Variants in PCDH15 observed in about 807,000 individuals in gnomAD.
PCDH15 encodes protocadherin related 15.
A neutral mutation model predicts 178.5 loss-of-function variants in PCDH15; 129 were observed. That is an observed-to-expected ratio of 0.72 (90% CI 0.63 to 0.84). The LOEUF is 0.84. PCDH15 is among the 40% of genes least tolerant of loss of function. PCDH15 has a pLI of 0.00. For synonymous variants in PCDH15, 800 were observed against 732.0 expected, an observed-to-expected ratio of 1.09 and a Z score of -1.50; for missense variants, 2,230 against 2,099.9, an observed-to-expected ratio of 1.06 and a Z score of -1.21.
intron 2 of PCDH15, among the ~76,000 whole-genome samples, chr10:55,423,494 T>C (rs537134563): frequency 1.3e-5 from 2 of 152,178 alleles, no homozygotes; most frequent in South Asian, 4.1e-4. Flanking sequence ...AACATACATG[T>C]GCACATATAT....
At chr10:54,812,553 G>T (rs951144532) in intron 3 of PCDH15, among the ~76,000 whole-genome samples, 1 of 151,998 alleles carries the variant, frequency 6.6e-6, no homozygotes, top group Non-Finnish European at 1.5e-5. Context: ...CCGCCTCCCC[G>T]GTTCAAGTGA....
chr10:54,859,213 T>C (rs1365801048), intron 3 of PCDH15, among the ~76,000 whole-genome samples: 1 of 152,126 alleles, frequency 6.6e-6, no homozygotes, highest in Non-Finnish European at 1.5e-5. Context: ...GACACTTTAA[T>C]AACTCTCATT....
chr10:54,483,735 G>C (rs1387256880), intron 3 of PCDH15, among the ~76,000 whole-genome samples: 1 of 151,460 alleles, frequency 6.6e-6, no homozygotes. Context: ...CTTTTGAAAG[G>C]TACCCTTTTA....
chr10:54,245,140 A>G (rs11004167), intron 8 of PCDH15, among the ~76,000 whole-genome samples: 7,108 of 152,220 alleles, frequency 0.047, 406 homozygotes, highest in African/African-American at 0.14. Context: ...GGAAGGCAAT[A>G]AAACAAGGAC....
rs537737224 is a variant in PCDH15 at position 54,828,448 on chromosome 10, C to T, written c.-29+69002G>A. Among the ~76,000 whole-genome samples, 3 of 151,518 alleles carry T rather than the reference C, an allele frequency of 2.0e-5. No individual in the cohort carries two copies. The East Asian group carries it at 5.9e-4, about 30-fold the overall frequency. The stretch of plus-strand genomic sequence containing the variant: ...ACTTGACTTCTGCTTAACTACTTCC[C>T]TAAATCCTGCTCATTGATGTTGTAC... On this transcript the variant is annotated intron_variant, in intron 3 of 5. Transcript: ENST00000458638.
intron 26 of PCDH15, among the ~76,000 whole-genome samples, chr10:53,892,547 A>G (rs2081645475): frequency 6.6e-6 from 1 of 152,180 alleles, no homozygotes; most frequent in African/African-American, 2.4e-5. Context: ...AAGAAGAGTA[A>G]AACATATGCA....
rs935059516 is a variant in PCDH15 at position 54,877,720 on chromosome 10, T to C, written c.-29+19730A>G. The stretch of plus-strand genomic sequence containing the variant: ...AGTATTGAAGAGGGCATCTGTATTT[T>C]GCCCAATAGCCAAAACAGTTTATAT... On this transcript the variant is annotated intron_variant, in intron 3 of 5. Transcript: ENST00000458638. Among the ~76,000 whole-genome samples the C allele has an allele frequency of 2.0e-5, 3 of 152,262 alleles. No homozygotes were observed. The East Asian group carries it at 5.8e-4, about 29-fold the overall frequency.
At chr10:53,970,455 A>G (rs375087437) in intron 21 of PCDH15, among the ~76,000 whole-genome samples, 1 of 152,096 alleles carries the variant, frequency 6.6e-6, no homozygotes, top group Non-Finnish European at 1.5e-5. Flanking sequence ...ACTGAAGGAG[A>G]CAGAGAAACA....
At chr10:53,906,437 A>G (rs1028596675) in intron 25 of PCDH15, among the ~76,000 whole-genome samples, 2 of 152,140 alleles carry the variant, frequency 1.3e-5, no homozygotes, top group South Asian at 2.1e-4. Flanking sequence ...AAAGATGGAA[A>G]TTGTATCTCC....
chr10:53,863,527 TTAGAGGGTTTAA>T (rs2079241082), intron 27 of PCDH15, among the ~76,000 whole-genome samples: 1 of 151,994 alleles, frequency 6.6e-6, no homozygotes, highest in African/African-American at 2.4e-5. Context: ...ACTCTTATGA[TTAGAGGGTTTAA>T]GAGAGGGTTT....
chr10:54,822,018 G>GT (rs1953050482), intron 3 of PCDH15, among the ~76,000 whole-genome samples: 1 of 151,990 alleles, frequency 6.6e-6, no homozygotes, highest in Non-Finnish European at 1.5e-5. Flanking sequence ...ACCTTTTTAT[G>GT]TTTTAATTTA....
chr10:54,089,475 A>C (rs1387452270), intron 16 of PCDH15, among the ~76,000 whole-genome samples: 1 of 152,212 alleles, frequency 6.6e-6, no homozygotes, highest in Non-Finnish European at 1.5e-5. Context: ...ATCATTAGCA[A>C]TATCTCAGAT....
chr10:54,372,500 A>G (rs555544402), intron 4 of PCDH15, among the ~76,000 whole-genome samples: 1 of 152,024 alleles, frequency 6.6e-6, no homozygotes, highest in Admixed American at 6.6e-5. Flanking sequence ...TATATAACAC[A>G]CAATGTAATT....
intron 2 of PCDH15, among the ~76,000 whole-genome samples, chr10:55,361,905 A>AG (rs540967132): frequency 2.2e-4 from 33 of 152,194 alleles, no homozygotes; most frequent in Admixed American, 1.3e-3. Context: ...TTTGAAGTGA[A>AG]GGGGGGCTAA....
At chr10:54,564,536 T>C (rs923872081) in intron 2 of PCDH15, among the ~76,000 whole-genome samples, 4 of 152,180 alleles carry the variant, frequency 2.6e-5, no homozygotes, top group Non-Finnish European at 5.9e-5. Flanking sequence ...TGATTAATTT[T>C]AGAAAAATCT....
At chr10:54,924,806 T>C (rs1175482458) in intron 2 of PCDH15, among the ~76,000 whole-genome samples, 1 of 152,168 alleles carries the variant, frequency 6.6e-6, no homozygotes, top group Non-Finnish European at 1.5e-5. Context: ...ATATTTTTCT[T>C]GTACATTTGT....
chr10:55,063,054 G>C (rs1841476956), intron 2 of PCDH15, among the ~76,000 whole-genome samples: 1 of 152,032 alleles, frequency 6.6e-6, no homozygotes, highest in African/African-American at 2.4e-5. Flanking sequence ...CAATACCTCA[G>C]TTTCAGAACA....
chr10:55,579,379 T>C (rs530921683), intron 2 of PCDH15, among the ~76,000 whole-genome samples: 1 of 152,304 alleles, frequency 6.6e-6, no homozygotes, highest in African/African-American at 2.4e-5. Flanking sequence ...CATCAGCTCC[T>C]TCAGGGAGTA....
chr10:54,564,366 C>T (rs1007066950), intron 2 of PCDH15, among the ~76,000 whole-genome samples: 4 of 152,102 alleles, frequency 2.6e-5, no homozygotes, highest in African/African-American at 7.2e-5. Flanking sequence ...TTAAAGTCAG[C>T]ATAATCCTTA....
Sources: allele counts gnomAD v4.1 joint callset (sites outside exome capture counted in the v4.1 genomes callset), GRCh38; gene constraint gnomAD v4.1.1; transcripts MANE v1.5; gene names NCBI Gene and HGNC (gene_info 2026-07-23, HGNC 2026-07-21).